The following SLC5A11 variants were observed in gnomAD, a reference collection of about 807,000 sequenced individuals.
SLC5A11 encodes solute carrier family 5 member 11, also known as sodium/myo-inositol cotransporter 2.
A neutral mutation model predicts 69.8 loss-of-function variants in SLC5A11; 48 were observed. The ratio of observed to expected loss-of-function variants is 0.69; its 90% CI spans 0.55 to 0.87. The LOEUF is 0.87. Ranked by LOEUF, SLC5A11 falls within the 40% of genes least tolerant of loss-of-function variation. The pLI is 0.00. For missense variants in SLC5A11, 784 were observed against 866.1 expected (o/e 0.91, Z 1.19); for synonymous variants, 319 against 342.4 (o/e 0.93, Z 0.75).
At chr16:24,861,380 C>T (rs961406366) in intron 2 of SLC5A11, among the ~76,000 whole-genome samples, 2 of 151,574 alleles carry the variant, frequency 1.3e-5, no homozygotes, top group East Asian at 1.9e-4. Flanking sequence ...CTTGGAAGGC[C>T]GAGCCAGGAG....
At chr16:24,895,438 G>C (rs1339474033) in intron 9 of SLC5A11, among the ~76,000 whole-genome samples, 2 of 151,646 alleles carry the variant, frequency 1.3e-5, no homozygotes, top group East Asian at 3.9e-4. Context: ...GCAGTGAGCA[G>C]AGATCCCAGC....
chr16:24,872,667 C>T (rs1457145729), intron 5 of SLC5A11, among the ~76,000 whole-genome samples: 1 of 151,114 alleles, frequency 6.6e-6, no homozygotes, highest in Non-Finnish European at 1.5e-5. Context: ...TGCAAGCCAC[C>T]ACACCCAGCT....
At chr16:24,876,691 G>A (rs972508638) in intron 6 of SLC5A11, among the ~76,000 whole-genome samples, 1 of 152,198 alleles carries the variant, frequency 6.6e-6, no homozygotes, top group Non-Finnish European at 1.5e-5. Flanking sequence ...GCAGTCTGGT[G>A]GGAAGCTGCA....
At chr16:24,881,056 A>C (rs2048011995) in intron 7 of SLC5A11, among the ~76,000 whole-genome samples, 1 of 151,974 alleles carries the variant, frequency 6.6e-6, no homozygotes, top group African/African-American at 2.4e-5. Flanking sequence ...ATACAAAAAA[A>C]TTAGCCAGGC....
intron 11 of SLC5A11, 48 bp downstream of exon 12, chr16:24,906,812 G>C (rs1016348817): frequency 1.3e-6 from 2 of 1,520,968 alleles, no homozygotes; most frequent in Non-Finnish European, 1.8e-6. Flanking sequence ...CACCCAGAAA[G>C]GAGATCACCG....
At chr16:24,894,925 G>C (rs1367562997) in intron 9 of SLC5A11, among the ~76,000 whole-genome samples, 1 of 152,118 alleles carries the variant, frequency 6.6e-6, no homozygotes, top group Non-Finnish European at 1.5e-5. Context: ...TTTGAAACCA[G>C]TGGGTAACAT....
At chr16:24,854,335 A>G (rs540885001) in intron 1 of SLC5A11, among the ~76,000 whole-genome samples, 1 of 152,334 alleles carries the variant, frequency 6.6e-6, no homozygotes, top group East Asian at 1.9e-4. Flanking sequence ...CTCTGAAATC[A>G]GACTGGATTC....
At chr16:24,866,721 C>T (rs894916114) in intron 3 of SLC5A11, among the ~76,000 whole-genome samples, 6 of 151,732 alleles carry the variant, frequency 4.0e-5, no homozygotes, top group Non-Finnish European at 8.8e-5. Flanking sequence ...CAGAAAAAAG[C>T]AGGAGTGGCT....
chr16:24,890,504 AAAAAAAAAAAAG>A (rs2048709511), intron 8 of SLC5A11, among the ~76,000 whole-genome samples: 1 of 57,660 alleles, frequency 1.7e-5, no homozygotes, highest in Non-Finnish European at 3.7e-5. Flanking sequence ...AAAAAAAAAA[AAAAAAAAAAAAG>A]AAGGAAGGAA....
chr16:24,882,728 C>T (rs1567635464), intron 7 of SLC5A11, among the ~76,000 whole-genome samples: 1 of 152,208 alleles, frequency 6.6e-6, no homozygotes, highest in African/African-American at 2.4e-5. Context: ...TCACTGCAAC[C>T]TCTGCCTCCT....
At chr16:24,896,975 CAG>C (rs1252571225) in intron 9 of SLC5A11, among the ~76,000 whole-genome samples, 5 of 102,278 alleles carry the variant, frequency 4.9e-5, no homozygotes, top group East Asian at 3.3e-4. Context: ...TTTTTTGAGA[CAG>C]AGTCTCACTC....
intron 1 of SLC5A11, 45 bp from the exon 3 acceptor site, chr16:24,858,575 A>G: frequency 6.5e-7 from 1 of 1,531,286 alleles, no homozygotes; most frequent in Non-Finnish European, 8.8e-7. Flanking sequence ...GGTGAGAAGA[A>G]TGATGCTAGG....
rs372050581 is a variant in SLC5A11, at chr16:24,882,022, A to T, written c.584-2029A>T. 5.0e-4 allele frequency among the ~76,000 whole-genome samples: 76 copies of T among 152,328 alleles called. 1 individual carries two copies. The highest frequency in any genetic ancestry group is 1.7e-3 in the African/African-American group (69 of 41,578). On this transcript the variant is annotated intron_variant, in intron 7 of 15. Coordinates refer to ENST00000347898, the Ensembl canonical transcript of SLC5A11. ...GAAAGACCTTGGCTGAGTTCTCAGA[A>T]CTAGCAGAAGCAATGTGCCTGGGGC...
At chr16:24,863,322 A>G (rs2046720799) in intron 3 of SLC5A11, among the ~76,000 whole-genome samples, 1 of 152,040 alleles carries the variant, frequency 6.6e-6, no homozygotes, top group Non-Finnish European at 1.5e-5. Flanking sequence ...GGCAGGGGTC[A>G]CTGGAATACT....
Position 24,911,518 on chromosome 16 carries a change from G to A in SLC5A11, c.2013G>A (p.Trp671Ter). Residue 671 changes from tryptophan (W) to a stop codon, truncating the protein, a stop_gained, in exon 16 of 16, where the codon TGG becomes TGA. Transcript: ENST00000347898. LOFTEE classifies it high-confidence loss of function. ...GCGTGAGCTGCGCCATCTTTATCTG[G>A]GGCTATTTTGCTTAGTGTGGGGTGA... 1.2e-6 allele frequency: 2 copies of A among 1,614,012 alleles called. No individual in the cohort carries two copies. The highest frequency in any genetic ancestry group is 1.7e-6 in the Non-Finnish European group (2 of 1,180,010).
exon 11 of SLC5A11, chr16:24,906,743 G>T (rs372298696): frequency 6.2e-7 from 1 of 1,613,066 alleles, no homozygotes; most frequent in East Asian, 2.2e-5. Flanking sequence ...TCCCAAACTC[G>T]TGCTGGAACT....
At chr16:24,853,839 C>T (rs1389462936) in intron 1 of SLC5A11, among the ~76,000 whole-genome samples, 2 of 152,176 alleles carry the variant, frequency 1.3e-5, no homozygotes, top group Admixed American at 6.5e-5. Flanking sequence ...GTGTTAGGGC[C>T]GATTCTCAGT....
Position 24,908,774 on chromosome 16 carries a change from C to T in SLC5A11, c.1435-107C>T, listed in dbSNP as rs1418928341. ...AACCTTTTCAAATTGCTGACCCGTG[C>T]TTGCAGTGACCACCACAAGAAAGAC... On this transcript the variant is annotated intron_variant, in intron 13 of 15. Transcript: ENST00000347898. The T allele has an allele frequency of 3.1e-6, 3 of 968,154 alleles. No homozygotes were observed. In the East Asian group the frequency reaches 7.6e-5, roughly 24 times the overall value. 60.0% of individuals were successfully genotyped at this position (968,154 alleles called of 1,614,324 possible).
chr16:24,899,066 C>T (rs776453084), intron 10 of SLC5A11, among the ~76,000 whole-genome samples: 3 of 152,114 alleles, frequency 2.0e-5, no homozygotes, highest in Admixed American at 6.6e-5. Context: ...GATCCTCCTG[C>T]CTTGACCTCC....
Sources: allele counts gnomAD v4.1 joint callset (sites outside exome capture counted in the v4.1 genomes callset), GRCh38; gene constraint gnomAD v4.1.1; transcripts MANE v1.5; gene names NCBI Gene and HGNC (gene_info 2026-07-23, HGNC 2026-07-21).